The following RBFOX3 variants were observed in gnomAD, a reference collection of about 807,000 sequenced individuals.
RBFOX3 encodes RNA binding fox-1 homolog 3.
In RBFOX3, 17 loss-of-function variants were observed where a neutral mutation model predicts 48.7. The ratio of observed to expected loss-of-function variants is 0.35; its 90% CI spans 0.24 to 0.52. RBFOX3 has a LOEUF of 0.52. Among genes scored for constraint, RBFOX3 ranks in the 20% least tolerant of loss-of-function variants. The pLI is 0.94. For missense variants in RBFOX3, 382 were observed against 497.5 expected (o/e 0.77, Z 2.21); for synonymous variants, 212 against 209.5 (o/e 1.01, Z -0.10).
At chr17:79,330,360 G>C (rs571307331) in intron 2 of RBFOX3, among the ~76,000 whole-genome samples, 32 of 152,206 alleles carry the variant, frequency 2.1e-4, no homozygotes, top group African/African-American at 6.5e-4. Context: ...AATTGCCCTA[G>C]GACTACACAG....
intron 10 of RBFOX3, 108 bp downstream of exon 10, chr17:79,097,584 G>T: frequency 7.0e-7 from 1 of 1,438,370 alleles, no homozygotes; most frequent in Non-Finnish European, 9.3e-7. Flanking sequence ...GGGAGGGCGG[G>T]GACGGCCCAC....
the RBFOX3 span, among the ~76,000 whole-genome samples, chr17:79,639,177 T>A: frequency 1.3e-5 from 2 of 151,972 alleles, no homozygotes; most frequent in African/African-American, 4.8e-5. Context: ...TTATTTTTTA[T>A]TGTTTATTTT....
intron 4 of RBFOX3, among the ~76,000 whole-genome samples, chr17:79,150,021 T>TTGAGGGTGGGGGGTGGGGTGGGGGG (rs2044015985): frequency 5.5e-4 from 7 of 12,780 alleles, no homozygotes; most frequent in Admixed American, 1.1e-3. Context: ...GGGATGGGGG[T>TTGAGGGTGGGGGGTGGGGTGGGGGG]TGAGGGTGGG....
intron 3 of RBFOX3, among the ~76,000 whole-genome samples, chr17:79,241,837 C>T (rs1198827782): frequency 2.0e-5 from 3 of 152,164 alleles, no homozygotes; most frequent in Admixed American, 6.5e-5. Flanking sequence ...AAAGCAGTCT[C>T]CCTGGTGTCT....
At chr17:79,427,239 G>A (rs1255377594) in intron 2 of RBFOX3, among the ~76,000 whole-genome samples, 6 of 152,178 alleles carry the variant, frequency 3.9e-5, no homozygotes, top group South Asian at 2.1e-4. Context: ...GAAGCAGTGC[G>A]GCCAGGGAGG....
At chr17:79,419,563 GCTCTGCCA>G in intron 2 of RBFOX3, among the ~76,000 whole-genome samples, 1 of 152,348 alleles carries the variant, frequency 6.6e-6, no homozygotes. Flanking sequence ...AACGCCTGCA[GCTCTGCCA>G]CTTTTACACA....
rs538199096 is a variant in RBFOX3 at position 79,510,012 on chromosome 17, A to T, written c.-319-27414T>A. Among the ~76,000 whole-genome samples, 142 of 152,358 alleles carry T rather than the reference A, an allele frequency of 9.3e-4. 1 individual carries two copies. The highest frequency in any genetic ancestry group is 3.4e-3 in the Middle Eastern group (1 of 294). ...TCATAACCCAAGAAAAATCAATTTT[A>T]CAACAGGAGTCAATGCAGAAGGAGC... On this transcript the variant is annotated intron_variant, in intron 1 of 14. Transcript: ENST00000693108.
intron 5 of RBFOX3, among the ~76,000 whole-genome samples, chr17:79,113,150 C>A (rs1397558597): frequency 6.6e-6 from 1 of 152,040 alleles, no homozygotes; most frequent in Admixed American, 6.5e-5. Context: ...CTGCTGATGA[C>A]CCAGGGACAG....
At chr17:79,411,279 G>A (rs2064293828) in intron 2 of RBFOX3, among the ~76,000 whole-genome samples, 1 of 152,030 alleles carries the variant, frequency 6.6e-6, no homozygotes. Flanking sequence ...TTTTGGGGTG[G>A]GGGCACCTCA....
At chr17:79,510,684 C>T (rs1437755782) in intron 1 of RBFOX3, among the ~76,000 whole-genome samples, 1 of 152,208 alleles carries the variant, frequency 6.6e-6, no homozygotes, top group Non-Finnish European at 1.5e-5. Flanking sequence ...GCATCTTAAA[C>T]AGGGCCCAGC....
intron 2 of RBFOX3, among the ~76,000 whole-genome samples, chr17:79,394,762 TCTC>T (rs2148282519): frequency 1.3e-5 from 2 of 152,186 alleles, no homozygotes; most frequent in South Asian, 4.2e-4. Flanking sequence ...CACACATCTC[TCTC>T]CTCAACTACC....
intron 1 of RBFOX3, among the ~76,000 whole-genome samples, chr17:79,524,155 C>T (rs2086492539): frequency 2.6e-5 from 4 of 152,184 alleles, no homozygotes; most frequent in African/African-American, 9.7e-5. Flanking sequence ...GATCACAGAG[C>T]ATTCTGAAAA....
At chr17:79,429,269 C>T (rs1245550887) in intron 2 of RBFOX3, among the ~76,000 whole-genome samples, 1 of 152,230 alleles carries the variant, frequency 6.6e-6, no homozygotes, top group African/African-American at 2.4e-5. Flanking sequence ...GGCCAGCGAC[C>T]ACACACCCGC....
At chr17:79,420,398 C>T (rs1188726513) in intron 2 of RBFOX3, among the ~76,000 whole-genome samples, 1 of 152,222 alleles carries the variant, frequency 6.6e-6, no homozygotes, top group Non-Finnish European at 1.5e-5. Context: ...AACGCCCCCA[C>T]CCACGAAGGG....
intron 2 of RBFOX3, among the ~76,000 whole-genome samples, chr17:79,389,039 C>A (rs1295718428): frequency 6.6e-6 from 1 of 152,242 alleles, no homozygotes; most frequent in Non-Finnish European, 1.5e-5. Flanking sequence ...CTTTTCTCTA[C>A]ATCCTTCCTC....
intron 12 of RBFOX3, among the ~76,000 whole-genome samples, chr17:79,096,337 C>T (rs576964137): frequency 6.6e-5 from 10 of 152,296 alleles, no homozygotes; most frequent in Non-Finnish European, 1.5e-4. Context: ...CTGACCGCAG[C>T]GTGGTTAGGG....
At chr17:79,507,274 C>T (rs964411063) in intron 1 of RBFOX3, among the ~76,000 whole-genome samples, 7 of 152,330 alleles carry the variant, frequency 4.6e-5, no homozygotes, top group Non-Finnish European at 2.9e-5. Context: ...TGCGCCCACA[C>T]CACCTGCCAC....
At chr17:79,223,999 G>A (rs922190686) in intron 4 of RBFOX3, among the ~76,000 whole-genome samples, 10 of 152,162 alleles carry the variant, frequency 6.6e-5, no homozygotes, top group African/African-American at 2.2e-4. Flanking sequence ...TGGCAAGCAC[G>A]ATGGAAGGCA....
At chr17:79,211,202 C>G (rs114879064) in intron 4 of RBFOX3, among the ~76,000 whole-genome samples, 1 of 152,222 alleles carries the variant, frequency 6.6e-6, no homozygotes, top group East Asian at 1.9e-4. Context: ...GCAGGCAGCA[C>G]GGCCCGATGC....
Sources: gnomAD v4.1 joint callset for allele counts (sites outside exome capture counted in the v4.1 genomes callset) on GRCh38, gnomAD v4.1.1 for gene constraint, MANE v1.5 for transcripts, NCBI Gene and HGNC (gene_info 2026-07-23, HGNC 2026-07-21) for gene names.